The following SLC5A12 variants were observed in gnomAD, a reference collection of about 807,000 sequenced individuals.
The protein encoded by SLC5A12 is solute carrier family 5 member 12, also known as sodium-coupled monocarboxylate transporter 2.
SLC5A12 carries 46 observed loss-of-function variants against 72.7 expected under a neutral mutation model. The ratio of observed to expected loss-of-function variants is 0.63; its 90% CI spans 0.50 to 0.81. SLC5A12 has a LOEUF of 0.81. SLC5A12 is among the 30% of genes least tolerant of loss of function. SLC5A12 has a pLI of 0.00. For missense variants in SLC5A12, 683 were observed against 740.7 expected, an observed-to-expected ratio of 0.92 and a Z score of 0.90; for synonymous variants, 275 against 264.4, an observed-to-expected ratio of 1.04 and a Z score of -0.39.
chr11:26,720,689 A>G (rs186647233), intron 1 of SLC5A12, among the ~76,000 whole-genome samples: 8 of 152,266 alleles, frequency 5.3e-5, no homozygotes, highest in Non-Finnish European at 1.0e-4. Context: ...AGAGCATGCA[A>G]ATTCAATTTT....
At chr11:26,702,603 T>C (rs1854984069) in intron 6 of SLC5A12, among the ~76,000 whole-genome samples, 1 of 152,110 alleles carries the variant, frequency 6.6e-6, no homozygotes, top group South Asian at 2.1e-4. Context: ...GGTCTCTACT[T>C]TGGAGCATGG....
intron 8 of SLC5A12, among the ~76,000 whole-genome samples, chr11:26,695,808 T>C (rs1854796291): frequency 6.6e-6 from 1 of 152,160 alleles, no homozygotes; most frequent in Admixed American, 6.5e-5. Flanking sequence ...AAAGGCTTGT[T>C]GTGATCTGAT....
intron 1 of SLC5A12, among the ~76,000 whole-genome samples, chr11:26,714,926 G>A (rs1431451198): frequency 1.3e-5 from 2 of 152,068 alleles, no homozygotes; most frequent in African/African-American, 2.4e-5. Context: ...TGTATAGTCC[G>A]GTGAATATGT....
At chr11:26,680,449 A>G (rs142809475) in intron 12 of SLC5A12, among the ~76,000 whole-genome samples, 8 of 148,152 alleles carry the variant, frequency 5.4e-5, no homozygotes, top group African/African-American at 2.0e-4. Flanking sequence ...GAATTCAAGA[A>G]GTTACAACTT....
chr11:26,719,630 G>T (rs919844411), intron 1 of SLC5A12, among the ~76,000 whole-genome samples: 1 of 152,012 alleles, frequency 6.6e-6, no homozygotes. Flanking sequence ...CTTTTCTAGG[G>T]CCTTTGCATC....
At chr11:26,689,048 A>G (rs574703175) in intron 9 of SLC5A12, among the ~76,000 whole-genome samples, 8 of 151,402 alleles carry the variant, frequency 5.3e-5, no homozygotes, top group African/African-American at 1.9e-4. Flanking sequence ...CACACAAAAC[A>G]TCATGTAATC....
At chr11:26,694,406 G>C (rs953081259) in intron 8 of SLC5A12, among the ~76,000 whole-genome samples, 1 of 152,146 alleles carries the variant, frequency 6.6e-6, no homozygotes, top group African/African-American at 2.4e-5. Flanking sequence ...AGTCTGGAGA[G>C]AGTGAGCCTC....
In SLC5A12 at chr11:26,721,603, A is replaced by T. The variant is rs1461348305; in HGVS notation, c.112T>A (p.Ser38Thr). The T allele has an allele frequency of 5.0e-6, 8 of 1,614,160 alleles. No individual in the cohort carries two copies. The highest frequency in any genetic ancestry group is 6.8e-6 in the Non-Finnish European group (8 of 1,180,024). Residue 38 changes from serine (S) to threonine (T), a missense_variant, in exon 1 of 15, where the codon TCC becomes ACC. Physicochemically the swap from Ser to Thr is moderately conservative, Grantham distance 58. Coordinates refer to ENST00000396005, the MANE Select transcript of SLC5A12 (RefSeq NM_178498.4). ...FAIKERKKAT[S>T]REFLVGGRQM... Reference sequence around the variant, plus strand: ...CTTCCCCCAACCAGGAACTCTCGGGAAGTTGCCTTTTTTCTCTCCTTAATG... The same window carrying T: ...CTTCCCCCAACCAGGAACTCTCGGGTAGTTGCCTTTTTTCTCTCCTTAATG...
intron 9 of SLC5A12, among the ~76,000 whole-genome samples, chr11:26,687,281 T>G (rs56835821): frequency 0.043 from 6,581 of 152,268 alleles, 442 homozygotes; most frequent in African/African-American, 0.15. Context: ...AAAAGTACAC[T>G]GAATTCCAAT....
intron 14 of SLC5A12, 102 bp downstream of exon 14, chr11:26,673,300 T>C (rs1854186779): frequency 7.9e-7 from 1 of 1,261,910 alleles, no homozygotes; most frequent in Non-Finnish European, 1.0e-6. Flanking sequence ...TCACACTCAC[T>C]GCTTTCCCTT....
intron 9 of SLC5A12, among the ~76,000 whole-genome samples, chr11:26,687,977 A>T (rs1477243796): frequency 6.6e-6 from 1 of 152,182 alleles, no homozygotes; most frequent in East Asian, 1.9e-4. Context: ...GAAGAAAGAC[A>T]TGTTTTTTCT....
At chr11:26,701,246 C>G (rs1034184346) in intron 6 of SLC5A12, among the ~76,000 whole-genome samples, 1 of 152,138 alleles carries the variant, frequency 6.6e-6, no homozygotes, top group African/African-American at 2.4e-5. Flanking sequence ...TTTTATTAAC[C>G]CTATCACCTT....
At chr11:26,711,262 G>A in intron 3 of SLC5A12, 45 bp downstream of exon 3, 2 of 1,509,308 alleles carry the variant, frequency 1.3e-6, no homozygotes, top group South Asian at 2.3e-5. Flanking sequence ...TGAGAATTCA[G>A]GCATAAAAAT....
Position 26,703,943 on chromosome 11 carries a change from C to T in SLC5A12, c.530G>A (p.Gly177Glu). 1 of 1,613,508 alleles carries T rather than the reference C, an allele frequency of 6.2e-7. No homozygotes were observed. Among genetic ancestry groups the T allele is most frequent in the Non-Finnish European group, 8.5e-7 (1 of 1,179,668 alleles). Residue 177 changes from glycine to glutamate, a missense_variant, in exon 5 of 15, where the codon GGA (glycine) becomes GAA (glutamate). Gly to Glu is a moderately conservative substitution (Grantham distance 98). Coordinates refer to ENST00000396005, the MANE Select transcript of SLC5A12 (RefSeq NM_178498.4). Reference protein sequence around the residue: ...IVCTFYCTLGGLKAVVWTDAF... With the variant: ...IVCTFYCTLGELKAVVWTDAF... The stretch of plus-strand genomic sequence containing the variant: ...ATCTGTCCACACCACTGCTTTTAAT[C>T]CTCCCTGAAATAGAGAGAATGTTTG...
intron 10 of SLC5A12, among the ~76,000 whole-genome samples, chr11:26,684,257 G>A (rs989655972): frequency 5.3e-5 from 8 of 152,080 alleles, no homozygotes; most frequent in Non-Finnish European, 7.4e-5. Flanking sequence ...TAATTTCAAA[G>A]AAGTCAATGC....
chr11:26,718,383 C>T lies in SLC5A12; in HGVS notation c.339+2993G>A, dbSNP rs186757488. On this transcript the variant is annotated intron_variant, in intron 1 of 14. Coordinates refer to ENST00000396005, the MANE Select transcript of SLC5A12 (RefSeq NM_178498.4). ...AGGTATATAAAAGTTAAGTAATTTACGCCAAGGTCATGCAGCTAGCAAGTG... is the reference window on the plus strand; with the variant it reads ...AGGTATATAAAAGTTAAGTAATTTATGCCAAGGTCATGCAGCTAGCAAGTG... Among the ~76,000 whole-genome samples the T allele has an allele frequency of 6.7e-4, 102 of 152,270 alleles. No individual in the cohort carries two copies. The East Asian group carries it at 9.8e-3, about 15-fold the overall frequency.
chr11:26,697,444 T>C (rs112560298), intron 7 of SLC5A12, among the ~76,000 whole-genome samples, 192 bp from the exon 8 acceptor site: 1 of 152,262 alleles, frequency 6.6e-6, no homozygotes, highest in African/African-American at 2.4e-5. Flanking sequence ...CTTTCGTGTT[T>C]ATCCTGAATG....
chr11:26,722,635 T>C (rs147548508), upstream of SLC5A12, among the ~76,000 whole-genome samples: 421 of 152,256 alleles, frequency 2.8e-3, 1 homozygote, highest in African/African-American at 9.6e-3. Context: ...ATCTTGTCTT[T>C]CTCTTATTTT....
chr11:26,682,205 A>C (rs1490005448), intron 11 of SLC5A12, among the ~76,000 whole-genome samples: 2 of 151,960 alleles, frequency 1.3e-5, no homozygotes, highest in Non-Finnish European at 2.9e-5. Flanking sequence ...TGAAATTGGA[A>C]TTTTATGTAA....
Sources: gnomAD v4.1 joint callset for allele counts (sites outside exome capture counted in the v4.1 genomes callset) on GRCh38, gnomAD v4.1.1 for gene constraint, MANE v1.5 for transcripts, NCBI Gene and HGNC (gene_info 2026-07-23, HGNC 2026-07-21) for gene names.